The following DLG2 variants were observed in gnomAD, a reference collection of about 807,000 sequenced individuals.
DLG2 encodes disks large homolog 2.
Under a neutral mutation model 132.5 loss-of-function variants are expected in DLG2, and 45 were observed. The observed-to-expected ratio is 0.34, with a 90% CI of 0.27 to 0.44. The LOEUF is 0.44. Ranked by LOEUF, DLG2 falls within the 20% of genes least tolerant of loss-of-function variation. The pLI, the probability that DLG2 is intolerant of heterozygous loss-of-function variation, is 1.00. For synonymous variants in DLG2, 424 were observed against 419.6 expected (o/e 1.01, Z -0.13); for missense variants, 1,045 against 1,196.9 (o/e 0.87, Z 1.87).
At chr11:84,569,899 C>T (rs1445454130) in intron 6 of DLG2, among the ~76,000 whole-genome samples, 2 of 152,170 alleles carry the variant, frequency 1.3e-5, no homozygotes, top group Admixed American at 1.3e-4. Flanking sequence ...TGAACATCCA[C>T]TTTACTTAAG....
At chr11:84,716,888 T>C (rs960431806) in intron 6 of DLG2, among the ~76,000 whole-genome samples, 3 of 151,978 alleles carry the variant, frequency 2.0e-5, no homozygotes, top group Non-Finnish European at 2.9e-5. Context: ...CTGGAATAAA[T>C]GGTGTTGTAC....
At chr11:85,164,698 AC>A (rs1323958062) in intron 4 of DLG2, among the ~76,000 whole-genome samples, 1 of 152,210 alleles carries the variant, frequency 6.6e-6, no homozygotes, top group Non-Finnish European at 1.5e-5. Flanking sequence ...ATGAAAAGTT[AC>A]AATAAGCTAG....
chr11:83,883,998 G>GCTCTGGTCTACAT (rs1555117497), intron 15 of DLG2, among the ~76,000 whole-genome samples: 3 of 152,178 alleles, frequency 2.0e-5, no homozygotes, highest in East Asian at 1.9e-4. Flanking sequence ...CCGGTCTACA[G>GCTCTGGTCTACAT]CTCCCAGCGT....
intron 6 of DLG2, among the ~76,000 whole-genome samples, chr11:85,103,454 C>G (rs1042434115): frequency 1.3e-5 from 2 of 151,892 alleles, no homozygotes; most frequent in Non-Finnish European, 2.9e-5. Context: ...GACACTTATA[C>G]TTACAGTCAG....
chr11:84,782,955 T>C (rs1329427082), intron 6 of DLG2, among the ~76,000 whole-genome samples: 1 of 152,140 alleles, frequency 6.6e-6, no homozygotes, highest in Non-Finnish European at 1.5e-5. Context: ...TCGTGTAGCA[T>C]CTTGCTGTTT....
chr11:84,646,336 G>A (rs185102766), intron 6 of DLG2, among the ~76,000 whole-genome samples: 30 of 152,314 alleles, frequency 2.0e-4, no homozygotes, highest in Non-Finnish European at 3.5e-4. Context: ...AGGACTTTTC[G>A]AAGAATTTGA....
intron 6 of DLG2, among the ~76,000 whole-genome samples, chr11:84,590,169 A>G (rs2099539400): frequency 6.6e-6 from 1 of 152,306 alleles, no homozygotes; most frequent in Non-Finnish European, 1.5e-5. Flanking sequence ...CATAACAATC[A>G]CTGTAGGGCA....
chr11:85,133,652 T>C (rs1054388798), intron 5 of DLG2, among the ~76,000 whole-genome samples: 10 of 152,172 alleles, frequency 6.6e-5, no homozygotes, highest in African/African-American at 2.4e-4. Flanking sequence ...ATGAATATTA[T>C]GAAATTGGGG....
Position 85,424,991 on chromosome 11 carries a change from A to T in DLG2, c.41-139626T>A, listed in dbSNP as rs182853025. The stretch of plus-strand genomic sequence containing the variant: ...CTAAGAAAGTTTCCATGGTCACCTT[A>T]ATCCACTGAAGTTAGTACTTCTAGA... On this transcript the variant is annotated intron_variant, in intron 3 of 27. Transcript: ENST00000376104. Among the ~76,000 whole-genome samples the T allele has an allele frequency of 2.8e-3, 426 of 152,008 alleles. 1 individual carries two copies. The highest frequency in any genetic ancestry group is 4.4e-3 in the Non-Finnish European group (300 of 67,998).
At chr11:84,920,174 A>AAGC (rs1278044801) in intron 6 of DLG2, among the ~76,000 whole-genome samples, 2 of 152,224 alleles carry the variant, frequency 1.3e-5, no homozygotes, top group African/African-American at 2.4e-5. Flanking sequence ...CAGTCAATTC[A>AAGC]AGCAGCATTG....
chr11:84,834,309 A>G (rs1220113663), intron 6 of DLG2, among the ~76,000 whole-genome samples: 1 of 151,560 alleles, frequency 6.6e-6, no homozygotes, highest in African/African-American at 2.4e-5. Flanking sequence ...TCACTTCTCA[A>G]TCTCCATCAC....
Position 85,045,782 on chromosome 11 carries a change from G to C in DLG2, c.357+65879C>G, listed in dbSNP as rs200074727. 5.3e-5 allele frequency among the ~76,000 whole-genome samples: 8 copies of C among 152,154 alleles called. No individual in the cohort carries two copies. The East Asian group carries it at 1.2e-3, about 22-fold the overall frequency. ...TGAATAGTCTGAGTTTTACAGAAGGGAAGAGGAAATATGATGACTCTTTTC... is the reference window on the plus strand; with the variant it reads ...TGAATAGTCTGAGTTTTACAGAAGGCAAGAGGAAATATGATGACTCTTTTC... On this transcript the variant is annotated intron_variant, in intron 6 of 27. Transcript: ENST00000376104.
At chr11:84,464,400 T>C (rs1259287720) in intron 7 of DLG2, among the ~76,000 whole-genome samples, 1 of 151,234 alleles carries the variant, frequency 6.6e-6, no homozygotes, top group Non-Finnish European at 1.5e-5. Context: ...ACATGAGTAC[T>C]AACCCTAGCT....
intron 2 of DLG2, among the ~76,000 whole-genome samples, chr11:85,620,234 TAAG>T (rs2081606647): frequency 6.6e-6 from 1 of 152,204 alleles, no homozygotes; most frequent in Non-Finnish European, 1.5e-5. Flanking sequence ...CATACCCACA[TAAG>T]ACAGCAAACT....
chr11:84,348,446 T>C (rs981983443), intron 7 of DLG2, among the ~76,000 whole-genome samples: 2 of 152,168 alleles, frequency 1.3e-5, no homozygotes, highest in African/African-American at 4.8e-5. Flanking sequence ...CATGGGATGT[T>C]TATAGGTATG....
intron 6 of DLG2, among the ~76,000 whole-genome samples, chr11:84,607,831 C>T (rs2099588480): frequency 6.6e-6 from 1 of 152,028 alleles, no homozygotes; most frequent in African/African-American, 2.4e-5. Flanking sequence ...TAATATGGTA[C>T]CTGGCCTCTG....
At chr11:84,776,527 T>G (rs1597851059) in intron 6 of DLG2, among the ~76,000 whole-genome samples, 1 of 152,160 alleles carries the variant, frequency 6.6e-6, no homozygotes, top group Non-Finnish European at 1.5e-5. Context: ...ATTTACCTCA[T>G]CCCAAAAGTT....
chr11:84,067,447 T>C (rs1413388891), intron 10 of DLG2, among the ~76,000 whole-genome samples: 2 of 152,178 alleles, frequency 1.3e-5, no homozygotes, highest in Non-Finnish European at 2.9e-5. Flanking sequence ...TTGTTTTTCT[T>C]CTATTCCTGA....
chr11:85,463,989 T>TGTACACACACACACACAC (rs1555141399), intron 3 of DLG2, among the ~76,000 whole-genome samples: 1 of 139,324 alleles, frequency 7.2e-6, no homozygotes, highest in Non-Finnish European at 1.5e-5. Context: ...GACATACATG[T>TGTACACACACACACACAC]ACACACACAC....
Sources: gnomAD v4.1 joint callset for allele counts (sites outside exome capture counted in the v4.1 genomes callset) on GRCh38, gnomAD v4.1.1 for gene constraint, MANE v1.5 for transcripts, NCBI Gene and HGNC (gene_info 2026-07-23, HGNC 2026-07-21) for gene names.